Variants in COL6A2 observed in about 807,000 individuals in gnomAD.
COL6A2 encodes collagen alpha-2(VI) chain.
Under a neutral mutation model 124.9 loss-of-function variants are expected in COL6A2, and 90 were observed. The observed-to-expected ratio is 0.72, with a 90% CI of 0.61 to 0.86. COL6A2 has a LOEUF of 0.86. COL6A2 is among the 40% of genes least tolerant of loss of function. The probability of loss-of-function intolerance (pLI) is 0.00; values close to 1 mark genes in which losing one functional copy is unlikely to be tolerated. For synonymous variants in COL6A2, 793 were observed against 618.2 expected (o/e 1.28, Z -4.19); for missense variants, 1,607 against 1,502.5 (o/e 1.07, Z -1.15).
chr21:46,128,612 G>A (rs907769110), intron 27 of COL6A2, among the ~76,000 whole-genome samples: 4 of 152,224 alleles, frequency 2.6e-5, no homozygotes, highest in South Asian at 2.1e-4. Flanking sequence ...CAAACCAGAC[G>A]CAGCTGAAGG....
At chr21:46,099,802 C>T (rs1054920404) in intron 1 of COL6A2, among the ~76,000 whole-genome samples, 6 of 147,822 alleles carry the variant, frequency 4.1e-5, no homozygotes, top group Non-Finnish European at 9.0e-5. Context: ...CTTAGAAGGG[C>T]GGCATCTGGG....
chr21:46,132,428 A>C lies in COL6A2; in HGVS notation c.2936A>C (p.Asp979Ala). The C allele has an allele frequency of 6.2e-7, 1 of 1,607,064 alleles. No individual in the cohort carries two copies. The highest frequency in any genetic ancestry group is 2.2e-5 in the East Asian group (1 of 44,736). The change falls in exon 28 of 28, where the codon GAC becomes GCC. Residue 979 changes from aspartate (D) to alanine (A), a missense_variant. By Grantham distance (126) the Asp-to-Ala change is moderately radical (BLOSUM62 -2). Around this residue, in one of 3 missense-constraint regions of COL6A2, gnomAD observed 1,223 missense variants for 1,052.2 expected, o/e 1.16. Transcript: ENST00000300527. The part of the protein sequence containing the change: ...VVPTVLALGS[D>A]VDMDVLTTLS... ...CCCACCGTGCTGGCCTTGGGCAGCG[A>C]CGTGGACATGGACGTGCTCACCACG...
Position 46,112,532 on chromosome 21 carries a change from C to T in COL6A2, c.669C>T (p.Ser223=). 1 of 1,612,202 alleles carries T rather than the reference C, an allele frequency of 6.2e-7. No individual in the cohort carries two copies. The highest frequency in any genetic ancestry group is 1.1e-5 in the South Asian group (1 of 91,066). The part of the protein sequence containing the change: ...RNDYATMLPD[S]TEIDQDTINR... ...ACTACGCCACCATGCTGCCCGACTC[C>T]ACCGAGATCGACCAGGACACCATCA... Residue 223 remains serine, a synonymous_variant, in exon 3 of 28, where the codon TCC becomes TCT. Transcript: ENST00000300527.
chr21:46,113,354 C>T (rs149644481), intron 4 of COL6A2, among the ~76,000 whole-genome samples: 36 of 152,214 alleles, frequency 2.4e-4, no homozygotes, highest in African/African-American at 7.5e-4. Flanking sequence ...CTTGCTCTTC[C>T]ATCCTTTTGT....
chr21:46,112,030 G>A lies in COL6A2; in HGVS notation c.167G>A (p.Ser56Asn), dbSNP rs1555871311. Residue 56 changes from serine (S) to asparagine (N), a missense_variant, in exon 3 of 28, where the codon AGC becomes AAC. Ser to Asn is a conservative substitution (Grantham distance 46). Transcript: ENST00000300527. ...TACTTCGTGCTGGACACCTCGGAGA[G>A]CGTCACCATGCAGTCCCCCACGGAC... ...HVYFVLDTSE[S>N]VTMQSPTDIL... 6.2e-7 allele frequency: 1 copy of A among 1,612,962 alleles called. No individual in the cohort carries two copies. The highest frequency in any genetic ancestry group is 8.5e-7 in the Non-Finnish European group (1 of 1,180,022).
In COL6A2 at chr21:46,112,099, G is replaced by T. The variant is rs1369755742; in HGVS notation, c.236G>T (p.Ser79Ile). ...HMKQFVPQFISQLQNEFYLDQ... is the reference protein window; with the variant it reads ...HMKQFVPQFIIQLQNEFYLDQ... ...AAGCAGTTCGTGCCGCAGTTCATCA[G>T]CCAGCTGCAGAACGAGTTCTACCTG... The change falls in exon 3 of 28, where the codon AGC becomes ATC. Residue 79 changes from serine to isoleucine, a missense_variant. By Grantham distance (142) the Ser-to-Ile change is moderately radical (BLOSUM62 -2). This residue lies in a region of COL6A2 where 342 missense variants were observed against 381.5 expected (regional missense o/e 0.90). Coordinates refer to ENST00000300527, the MANE Select transcript of COL6A2 (RefSeq NM_001849.4). 1 of 1,613,206 alleles carries T rather than the reference G, an allele frequency of 6.2e-7. No individual in the cohort carries two copies. The highest frequency in any genetic ancestry group is 2.2e-5 in the East Asian group (1 of 44,876).
chr21:46,131,889 G>A (rs1177752370), intron 27 of COL6A2, 65 bp from the exon 28 acceptor site: 5 of 1,451,704 alleles, frequency 3.4e-6, no homozygotes, highest in Admixed American at 3.9e-5. Flanking sequence ...ACAGGTGCGG[G>A]GCTGGCACCT....
chr21:46,117,636 A>C (rs1394733161), intron 11 of COL6A2, 183 bp downstream of exon 11: 1 of 760,728 alleles, frequency 1.3e-6, no homozygotes. Flanking sequence ...TCCCCCTGGG[A>C]GCTCCTGGCG....
At chr21:46,099,196 A>G (rs929357917) in intron 1 of COL6A2, 1 of 152,758 alleles carries the variant, frequency 6.5e-6, no homozygotes, top group East Asian at 1.9e-4. Context: ...TCACGCCTGT[A>G]ATCCCAACAC....
chr21:46,129,381 T>C (rs774119705), intron 27 of COL6A2: 3 of 1,612,966 alleles, frequency 1.9e-6, no homozygotes, highest in Non-Finnish European at 2.5e-6. Context: ...GCGGGCCAAG[T>C]TCGCCACCGG....
In COL6A2 at chr21:46,117,387, C is replaced by T. The variant is rs766018522; in HGVS notation, c.1000-13C>T. On this transcript the variant is annotated splice_polypyrimidine_tract_variant and intron_variant, in intron 10 of 27. Transcript: ENST00000300527. ...CCCCGCCCTGAGACTCCTCCTGCCC[C>T]CTTCTCCTTCAGGGCAAGCTGGGGC... The T allele has an allele frequency of 7.4e-6, 12 of 1,612,368 alleles. No homozygotes were observed. In the Admixed American group the frequency reaches 8.3e-5, roughly 11 times the overall value.
Position 46,117,608 on chromosome 21 carries a change from C to T in COL6A2, c.1053+155C>T, listed in dbSNP as rs758794757. 1.1e-4 allele frequency: 94 copies of T among 861,464 alleles called. 1 individual carries two copies. In the South Asian group the frequency reaches 1.2e-3, roughly 11 times the overall value. 53.4% of individuals were successfully genotyped at this position (861,464 alleles called of 1,614,324 possible). A position where few individuals can be genotyped will look rare whatever the true frequency, so the allele number is the denominator to read the frequency against. ...GCCCCAGCCCAGCATTCTGCCGGGT[C>T]GGAGTCATGTGAGGAACTCCCCCTG... is the stretch of plus-strand genomic sequence containing the variant. On this transcript the variant is annotated intron_variant, in intron 11 of 27. Transcript: ENST00000300527.
chr21:46,123,066 C>A (rs1427679652), intron 21 of COL6A2, 129 bp downstream of exon 21: 7 of 913,990 alleles, frequency 7.7e-6, no homozygotes, highest in South Asian at 6.7e-5. Context: ...GCACCACCCC[C>A]ACCTTCCTAA....
At chr21:46,114,398 C>G (rs148650488) in intron 5 of COL6A2, among the ~76,000 whole-genome samples, 2,378 of 149,482 alleles carry the variant, frequency 0.016, 26 homozygotes, top group Middle Eastern at 0.031. Flanking sequence ...GCACTCCAGC[C>G]TGGGCAACAG....
chr21:46,120,690 G>A (rs2078551377), intron 16 of COL6A2, 113 bp downstream of exon 16: 1 of 1,059,330 alleles, frequency 9.4e-7, no homozygotes, highest in South Asian at 1.7e-5. Context: ...GGACCCGGGT[G>A]GGTGCTGCAC....
In COL6A2 at chr21:46,119,784, G is replaced by A. The variant is rs1256152797; in HGVS notation, c.1270-4G>A. On this transcript the variant is annotated splice_polypyrimidine_tract_variant and splice_region_variant and intron_variant, in intron 14 of 27. Transcript: ENST00000300527. ...TCCCTCACCCACACGCCTGTTCTCT[G>A]CAGGGGCGCAGGGGAGACCCCGGCA... 1.9e-6 allele frequency: 3 copies of A among 1,558,904 alleles called. No individual in the cohort carries two copies. Among genetic ancestry groups the A allele is most frequent in the East Asian group, 2.4e-5 (1 of 42,464 alleles).
chr21:46,131,894 G>A (rs1034541364), intron 27 of COL6A2, 60 bp from the exon 28 acceptor site: 3 of 1,475,848 alleles, frequency 2.0e-6, no homozygotes, highest in Non-Finnish European at 2.8e-6. Flanking sequence ...TGCGGGGCTG[G>A]CACCTGCCCG....
intron 22 of COL6A2, 34 bp from the exon 23 acceptor site, chr21:46,124,851 C>T (rs1458534302): frequency 1.9e-6 from 3 of 1,612,586 alleles, no homozygotes; most frequent in Middle Eastern, 1.6e-4. Context: ...CCAGCCTTGG[C>T]CCCAGAGTCT....
Position 46,118,972 on chromosome 21 carries a change from G to A in COL6A2, c.1180-58G>A, listed in dbSNP as rs559003699. 354 of 1,344,144 alleles carry A rather than the reference G, an allele frequency of 2.6e-4. 1 individual carries two copies. Among genetic ancestry groups the A allele is most frequent in the Non-Finnish European group, 3.5e-4 (330 of 935,138 alleles). The allele number at this position is 1,344,144 out of a possible 1,614,324, so 83.3% of individuals were successfully genotyped here. A position where few individuals can be genotyped will look rare whatever the true frequency, so the allele number is the denominator to read the frequency against. On this transcript the variant is annotated intron_variant, in intron 13 of 27. Transcript: ENST00000300527. ...GCTCCACACCACACACCGCACAGGC[G>A]TGACCATGCCTCAGGGCCCCTGCCT...
Sources: gnomAD v4.1 joint callset for allele counts (sites outside exome capture counted in the v4.1 genomes callset) on GRCh38, gnomAD v4.1.1 for gene constraint, gnomAD v4.1.1 regional missense constraint, MANE v1.5 for transcripts, NCBI Gene and HGNC (gene_info 2026-07-23, HGNC 2026-07-21) for gene names.